The following CFAP58 variants were observed in gnomAD, a reference collection of about 807,000 sequenced individuals.
CFAP58 encodes cilia- and flagella-associated protein 58.
In CFAP58, 88 loss-of-function variants were observed where a neutral mutation model predicts 119.5. The ratio of observed to expected loss-of-function variants is 0.74; its 90% CI spans 0.62 to 0.88. The LOEUF (loss-of-function observed/expected upper bound fraction) is 0.88. CFAP58 is among the 40% of genes least tolerant of loss of function. The pLI is 0.00. For missense variants in CFAP58, 990 were observed against 1,021.2 expected, an observed-to-expected ratio of 0.97 and a Z score of 0.42; for synonymous variants, 365 against 366.3, an observed-to-expected ratio of 1.00 and a Z score of 0.04.
intron 15 of CFAP58, among the ~76,000 whole-genome samples, chr10:104,427,455 T>A (rs1032073118): frequency 1.3e-5 from 2 of 152,190 alleles, no homozygotes; most frequent in African/African-American, 2.4e-5. Context: ...TTTATATATA[T>A]TGTCTCATTC....
intron 7 of CFAP58, among the ~76,000 whole-genome samples, chr10:104,372,640 G>A (rs1162509049): frequency 1.3e-5 from 2 of 152,144 alleles, no homozygotes; most frequent in African/African-American, 4.8e-5. Flanking sequence ...CACTTTCTGT[G>A]ACAGAAATGA....
intron 8 of CFAP58, 148 bp from the exon 9 acceptor site, chr10:104,379,881 C>T (rs546489321): frequency 4.8e-4 from 352 of 740,724 alleles, no homozygotes; most frequent in Non-Finnish European, 7.4e-4. Context: ...GCATAACAAA[C>T]TCTTAATAAG....
upstream of CFAP58, chr10:104,353,765 C>G (rs1188431736): frequency 2.8e-6 from 3 of 1,062,946 alleles, no homozygotes; most frequent in Admixed American, 7.1e-5. Context: ...CGGGCCGACG[C>G]GCCGAGCGCG....
chr10:104,364,218 C>T (rs922337436), intron 3 of CFAP58, among the ~76,000 whole-genome samples: 1 of 151,992 alleles, frequency 6.6e-6, no homozygotes, highest in Non-Finnish European at 1.5e-5. Context: ...TGATCATAGC[C>T]CTCCAGTGGA....
chr10:104,444,193 T>A (rs2013079809), intron 15 of CFAP58, among the ~76,000 whole-genome samples: 1 of 152,160 alleles, frequency 6.6e-6, no homozygotes, highest in African/African-American at 2.4e-5. Context: ...ATAAAAGAAA[T>A]GCCAAACTGA....
intron 15 of CFAP58, among the ~76,000 whole-genome samples, chr10:104,414,653 CTT>C (rs1418146163): frequency 6.6e-6 from 1 of 151,936 alleles, no homozygotes; most frequent in Non-Finnish European, 1.5e-5. Flanking sequence ...GCTAATAACT[CTT>C]AATTTAATTT....
chr10:104,450,266 T>G, intron 17 of CFAP58, 62 bp downstream of exon 17: 1 of 1,560,290 alleles, frequency 6.4e-7, no homozygotes, highest in Non-Finnish European at 8.8e-7. Flanking sequence ...AGAAAATATT[T>G]GGTGAACAGT....
chr10:104,358,284 G>C, intron 1 of CFAP58, 57 bp from the exon 2 acceptor site: 2 of 1,528,702 alleles, frequency 1.3e-6, no homozygotes, highest in Admixed American at 1.9e-5. Context: ...GTAATTCCTT[G>C]ATGGTAATGA....
intron 9 of CFAP58, among the ~76,000 whole-genome samples, chr10:104,390,937 T>C (rs567628710): frequency 6.6e-6 from 1 of 152,308 alleles, no homozygotes; most frequent in Non-Finnish European, 1.5e-5. Context: ...TTTACTAAAA[T>C]TCAATCCCAT....
intron 15 of CFAP58, among the ~76,000 whole-genome samples, chr10:104,438,328 TTTTTTGTTTTTTGTTTTTTG>T (rs1316495605): frequency 4.5e-5 from 6 of 134,492 alleles, no homozygotes; most frequent in South Asian, 4.7e-4. Flanking sequence ...TTTTTATTGT[TTTTTTGTTTTTTGTTTTTTG>T]TTTTTTTTTT....
intron 15 of CFAP58, among the ~76,000 whole-genome samples, chr10:104,429,234 T>C (rs11598049): frequency 0.15 from 22,404 of 151,780 alleles, 1,845 homozygotes; most frequent in Middle Eastern, 0.31. Context: ...GACTCTGCAG[T>C]TGAGGAAGAA....
chr10:104,404,530 A>T (rs1000019057), intron 14 of CFAP58, among the ~76,000 whole-genome samples: 1 of 152,222 alleles, frequency 6.6e-6, no homozygotes, highest in Non-Finnish European at 1.5e-5. Flanking sequence ...TGATCAGGGT[A>T]TTGGGAGATG....
At chr10:104,392,576 A>G (rs1290389819) in intron 10 of CFAP58, among the ~76,000 whole-genome samples, 182 bp downstream of exon 10, 2 of 151,764 alleles carry the variant, frequency 1.3e-5, no homozygotes, top group African/African-American at 4.8e-5. Context: ...ACATCTTAAT[A>G]GGATGTGGAG....
intron 9 of CFAP58, among the ~76,000 whole-genome samples, chr10:104,385,151 A>C (rs2011895701): frequency 6.6e-6 from 1 of 152,180 alleles, no homozygotes; most frequent in Non-Finnish European, 1.5e-5. Flanking sequence ...TATGTGCAAG[A>C]GACAAGATGC....
At chr10:104,404,792 G>A (rs929753995) in intron 14 of CFAP58, among the ~76,000 whole-genome samples, 2 of 152,070 alleles carry the variant, frequency 1.3e-5, no homozygotes, top group African/African-American at 2.4e-5. Context: ...TGTATTTTTA[G>A]CAGAGACACG....
At chr10:104,441,245 T>A (rs2013032410) in intron 15 of CFAP58, among the ~76,000 whole-genome samples, 1 of 152,166 alleles carries the variant, frequency 6.6e-6, no homozygotes, top group African/African-American at 2.4e-5. Flanking sequence ...TCGAGTGATT[T>A]GCCTGCATCG....
intron 15 of CFAP58, among the ~76,000 whole-genome samples, chr10:104,439,412 A>G (rs527278104): frequency 6.6e-6 from 1 of 152,294 alleles, no homozygotes; most frequent in South Asian, 2.1e-4. Context: ...AGTCATTTTA[A>G]TTGGGGTTTA....
At chr10:104,339,340 A>G in the CFAP58 span, among the ~76,000 whole-genome samples, 6 of 152,242 alleles carry the variant, frequency 3.9e-5, no homozygotes, top group African/African-American at 1.2e-4. Flanking sequence ...GTTAGAAACG[A>G]GAGAACTGAG....
intron 15 of CFAP58, among the ~76,000 whole-genome samples, chr10:104,441,176 T>C (rs768865152): frequency 1.3e-5 from 2 of 152,184 alleles, no homozygotes; most frequent in African/African-American, 2.4e-5. Flanking sequence ...CTAATTTTTG[T>C]ATTTTTTGTA....
Sources: gnomAD v4.1 joint callset for allele counts (sites outside exome capture counted in the v4.1 genomes callset) on GRCh38, gnomAD v4.1.1 for gene constraint, MANE v1.5 for transcripts, NCBI Gene and HGNC (gene_info 2026-07-23, HGNC 2026-07-21) for gene names.